The following SGCZ variants were observed in gnomAD, a reference collection of about 807,000 sequenced individuals.
The protein encoded by SGCZ is sarcoglycan zeta, also known as zeta-sarcoglycan.
In SGCZ, 40 loss-of-function variants were observed where a neutral mutation model predicts 41.3. The observed-to-expected ratio is 0.97, with a 90% CI of 0.75 to 1.26. The LOEUF (loss-of-function observed/expected upper bound fraction) is 1.26. SGCZ is among the 50% of genes most tolerant of loss of function. The pLI, the probability that SGCZ is intolerant of heterozygous loss-of-function variation, is 0.00. For synonymous variants in SGCZ, 206 were observed against 137.5 expected (o/e 1.50, Z -3.49); for missense variants, 552 against 369.8 (o/e 1.49, Z -4.04).
At chr8:14,123,340 T>C (rs1180572088) in intron 5 of SGCZ, among the ~76,000 whole-genome samples, 1 of 150,504 alleles carries the variant, frequency 6.6e-6, no homozygotes, top group Non-Finnish European at 1.5e-5. Context: ...AGCCATGCAA[T>C]GAAACATAAA....
chr8:14,127,677 T>C (rs1409794522), intron 5 of SGCZ, among the ~76,000 whole-genome samples: 1 of 152,134 alleles, frequency 6.6e-6, no homozygotes, highest in Non-Finnish European at 1.5e-5. Context: ...AGGATGGACT[T>C]GATCTCCTGA....
In SGCZ at chr8:14,739,270, G is replaced by C. The variant is rs144279965; in HGVS notation, c.40-184344C>G. Among the ~76,000 whole-genome samples, 1,038 of 151,548 alleles carry C rather than the reference G, an allele frequency of 6.8e-3. 7 individuals carry two copies. The highest frequency in any genetic ancestry group is 8.6e-3 in the Non-Finnish European group (585 of 67,842). ...ATCTGCATATAAGACAATTAAAAGG[G>C]GAAAAATCAAACATATAAAGACAAG... On this transcript the variant is annotated intron_variant, in intron 1 of 7. Transcript: ENST00000382080.
chr8:15,183,522 T>C (rs1800238714), intron 1 of SGCZ, among the ~76,000 whole-genome samples: 1 of 152,230 alleles, frequency 6.6e-6, no homozygotes, highest in African/African-American at 2.4e-5. Context: ...AGAGATGTCA[T>C]GTGATCTTAT....
At chr8:15,072,791 T>C (rs747013656) in intron 1 of SGCZ, among the ~76,000 whole-genome samples, 22 of 152,200 alleles carry the variant, frequency 1.4e-4, no homozygotes, top group Non-Finnish European at 3.1e-4. Flanking sequence ...ATGGAGATGA[T>C]TCAAATCTCA....
At chr8:14,482,171 A>AT (rs1801552540) in intron 2 of SGCZ, among the ~76,000 whole-genome samples, 1 of 152,196 alleles carries the variant, frequency 6.6e-6, no homozygotes, top group South Asian at 2.1e-4. Flanking sequence ...GTGAGCATCC[A>AT]TCCCTGGTTC....
intron 3 of SGCZ, among the ~76,000 whole-genome samples, chr8:14,274,823 T>C (rs1164080173): frequency 6.6e-6 from 1 of 152,072 alleles, no homozygotes; most frequent in Non-Finnish European, 1.5e-5. Flanking sequence ...AATCATAATA[T>C]AGGTCTCATA....
At chr8:14,529,239 C>T (rs1056598663) in intron 2 of SGCZ, among the ~76,000 whole-genome samples, 2 of 152,118 alleles carry the variant, frequency 1.3e-5, no homozygotes, top group Admixed American at 6.6e-5. Flanking sequence ...TATGATCCTA[C>T]AGCCATATGC....
chr8:15,148,881 G>A (rs1240656085), intron 1 of SGCZ, among the ~76,000 whole-genome samples: 1 of 152,126 alleles, frequency 6.6e-6, no homozygotes, highest in African/African-American at 2.4e-5. Context: ...TGTCATAGTC[G>A]ACAAAAGACT....
intron 4 of SGCZ, among the ~76,000 whole-genome samples, chr8:14,208,015 G>A (rs370878891): frequency 6.6e-6 from 1 of 152,002 alleles, no homozygotes; most frequent in Non-Finnish European, 1.5e-5. Flanking sequence ...GACTATTAAT[G>A]TTTCTTCCCT....
intron 2 of SGCZ, among the ~76,000 whole-genome samples, chr8:14,437,583 AAG>A (rs978522244): frequency 1.3e-4 from 20 of 152,068 alleles, no homozygotes; most frequent in Non-Finnish European, 2.5e-4. Context: ...TTTTTCAACA[AAG>A]AAAAATTTTC....
intron 3 of SGCZ, among the ~76,000 whole-genome samples, chr8:14,290,301 A>T (rs34372654): frequency 0.58 from 88,381 of 151,352 alleles, 26,744 homozygotes; most frequent in Non-Finnish European, 0.68. Context: ...GTATGAAACC[A>T]GAGGTACATA....
At chr8:14,265,577 A>G (rs962901189) in intron 3 of SGCZ, among the ~76,000 whole-genome samples, 4 of 152,092 alleles carry the variant, frequency 2.6e-5, no homozygotes, top group Non-Finnish European at 4.4e-5. Context: ...TTATTTTCAT[A>G]TCGCAAATCA....
At position 15,135,182 on chromosome 8, in the gene SGCZ, C is replaced by T. The variant is rs17120997; in HGVS notation, c.39+102403G>A. Among the ~76,000 whole-genome samples, 910 of 152,272 alleles carry T rather than the reference C, an allele frequency of 6.0e-3. 10 individuals are homozygous for T. The highest frequency in any genetic ancestry group is 0.021 in the African/African-American group (858 of 41,556). ...AAATTATGGTTCTGAGCATTCAGTT[C>T]ACCATTTATTTTTCTGTGCTATTAA... is the stretch of plus-strand genomic sequence containing the variant. On this transcript the variant is annotated intron_variant, in intron 1 of 7. Coordinates refer to ENST00000382080, the MANE Select transcript of SGCZ (RefSeq NM_139167.4).
At chr8:14,393,414 T>C in intron 2 of SGCZ, among the ~76,000 whole-genome samples, 1 of 152,114 alleles carries the variant, frequency 6.6e-6, no homozygotes, top group South Asian at 2.1e-4. Flanking sequence ...ACATGTACTA[T>C]AAAGAGCAGA....
chr8:14,621,918 G>C (rs1806300041), intron 1 of SGCZ, among the ~76,000 whole-genome samples: 1 of 152,008 alleles, frequency 6.6e-6, no homozygotes, highest in South Asian at 2.1e-4. Flanking sequence ...AGAATAAGTA[G>C]GATCTCTCCC....
chr8:14,139,036 C>A, intron 5 of SGCZ, among the ~76,000 whole-genome samples: 1 of 152,152 alleles, frequency 6.6e-6, no homozygotes, highest in East Asian at 1.9e-4. Flanking sequence ...GATTAAGAAA[C>A]TCATTCAAAA....
intron 1 of SGCZ, among the ~76,000 whole-genome samples, chr8:14,680,080 A>G (rs980875704): frequency 6.6e-6 from 1 of 152,094 alleles, no homozygotes; most frequent in East Asian, 1.9e-4. Context: ...TTGTCTAAGT[A>G]TGTGTTTCTC....
intron 5 of SGCZ, among the ~76,000 whole-genome samples, chr8:14,120,798 G>C (rs367802783): frequency 6.6e-6 from 1 of 152,038 alleles, no homozygotes. Context: ...TAATTATAAT[G>C]AGAAGTATAA....
chr8:14,850,931 C>T (rs1469362149), intron 1 of SGCZ, among the ~76,000 whole-genome samples: 1 of 152,154 alleles, frequency 6.6e-6, no homozygotes, highest in Non-Finnish European at 1.5e-5. Context: ...TCCAGCCGTA[C>T]TGTGATTCAA....
Sources: gnomAD v4.1 joint callset for allele counts (sites outside exome capture counted in the v4.1 genomes callset) on GRCh38, gnomAD v4.1.1 for gene constraint, MANE v1.5 for transcripts, NCBI Gene and HGNC (gene_info 2026-07-23, HGNC 2026-07-21) for gene names.